The following SLX4IP variants were observed in gnomAD, a reference collection of about 807,000 sequenced individuals.
SLX4IP encodes the protein protein SLX4IP.
In SLX4IP, 34 loss-of-function variants were observed where a neutral mutation model predicts 32.9. The ratio of observed to expected loss-of-function variants is 1.03; its 90% CI spans 0.79 to 1.38. SLX4IP has a LOEUF of 1.38. Ranked by LOEUF, SLX4IP falls within the 40% of genes most tolerant of loss-of-function variation. The probability of loss-of-function intolerance (pLI) is 0.00; values close to 1 mark genes in which losing one functional copy is unlikely to be tolerated. For missense variants in SLX4IP, 444 were observed against 479.0 expected (o/e 0.93, Z 0.68); for synonymous variants, 172 against 171.7 (o/e 1.00, Z -0.01).
At chr20:10,438,489 T>G (rs1683509509) in intron 1 of SLX4IP, among the ~76,000 whole-genome samples, 1 of 147,196 alleles carries the variant, frequency 6.8e-6, no homozygotes, top group Admixed American at 6.8e-5. Flanking sequence ...TTTTTTTTTT[T>G]TTTTTTGAGA....
chr20:10,590,707 G>A (rs139936330), intron 4 of SLX4IP, among the ~76,000 whole-genome samples: 9 of 152,240 alleles, frequency 5.9e-5, no homozygotes, highest in East Asian at 3.9e-4. Context: ...TGATTTTAAC[G>A]TAGAAAAACA....
chr20:10,530,211 T>C (rs1360232374), intron 2 of SLX4IP, among the ~76,000 whole-genome samples: 6 of 152,238 alleles, frequency 3.9e-5, no homozygotes, highest in Non-Finnish European at 8.8e-5. Context: ...GTTGGAGATT[T>C]GAAGCACAGT....
At chr20:10,449,439 A>C (rs763363781) in intron 1 of SLX4IP, among the ~76,000 whole-genome samples, 1 of 152,186 alleles carries the variant, frequency 6.6e-6, no homozygotes, top group African/African-American at 2.4e-5. Flanking sequence ...AGAGGGAAGA[A>C]GGTCACACCT....
At chr20:10,575,798 G>A (rs911320859) in intron 4 of SLX4IP, among the ~76,000 whole-genome samples, 5 of 151,412 alleles carry the variant, frequency 3.3e-5, no homozygotes, top group Admixed American at 1.3e-4. Context: ...CATAATGCCC[G>A]GATTTTCAAA....
Position 10,499,526 on chromosome 20 carries a change from T to C in SLX4IP, c.27+41295T>C, listed in dbSNP as rs560599943. Among the ~76,000 whole-genome samples, 8 of 152,322 alleles carry C rather than the reference T, an allele frequency of 5.3e-5. No individual in the cohort carries two copies. The South Asian group carries it at 1.7e-3, about 32-fold the overall frequency. On this transcript the variant is annotated intron_variant, in intron 2 of 7. Coordinates refer to ENST00000334534, the MANE Select transcript of SLX4IP (RefSeq NM_001009608.3). ...TGCTTGAAAAACAGTGTCTGTTGTATGAATGATAATTTTCATGAAAATCAA... is the reference window on the plus strand; with the variant it reads ...TGCTTGAAAAACAGTGTCTGTTGTACGAATGATAATTTTCATGAAAATCAA...
At chr20:10,474,909 C>T (rs988147414) in intron 2 of SLX4IP, among the ~76,000 whole-genome samples, 4 of 152,182 alleles carry the variant, frequency 2.6e-5, no homozygotes, top group African/African-American at 7.2e-5. Context: ...CTCAGGGAGC[C>T]GTGGGTTCAG....
chr20:10,452,678 A>ATATATATAT (rs1365793671), intron 1 of SLX4IP, among the ~76,000 whole-genome samples: 57 of 97,784 alleles, frequency 5.8e-4, no homozygotes, highest in South Asian at 2.5e-3. Flanking sequence ...AAAAAAAAAA[A>ATATATATAT]AAATATATAT....
chr20:10,620,078 C>T (rs1215548760), intron 6 of SLX4IP, among the ~76,000 whole-genome samples: 1 of 152,162 alleles, frequency 6.6e-6, no homozygotes, highest in Non-Finnish European at 1.5e-5. Flanking sequence ...GATAACCAGG[C>T]ACGGTACTCA....
At chr20:10,615,639 T>C (rs1183349634) in intron 6 of SLX4IP, among the ~76,000 whole-genome samples, 2 of 152,194 alleles carry the variant, frequency 1.3e-5, no homozygotes, top group African/African-American at 4.8e-5. Flanking sequence ...AGGAGGACCC[T>C]TACATCATCT....
intron 2 of SLX4IP, among the ~76,000 whole-genome samples, chr20:10,543,451 A>G (rs77957282): frequency 6.6e-6 from 1 of 152,210 alleles, no homozygotes; most frequent in Admixed American, 6.5e-5. Context: ...AGCTCTCAGC[A>G]TGTAAACTGC....
intron 1 of SLX4IP, among the ~76,000 whole-genome samples, chr20:10,438,472 GTTTTTTTTTTT>G (rs35297842): frequency 1.0e-5 from 1 of 98,854 alleles, no homozygotes; most frequent in Non-Finnish European, 2.0e-5. Context: ...AGGTGTGTGT[GTTTTTTTTTTT>G]TTTTTTTTTT....
At chr20:10,441,126 C>G (rs1193966602) in intron 1 of SLX4IP, among the ~76,000 whole-genome samples, 1 of 152,096 alleles carries the variant, frequency 6.6e-6, no homozygotes, top group Non-Finnish European at 1.5e-5. Context: ...CTGTTTCTGA[C>G]TAGGTATTAA....
chr20:10,590,531 T>C (rs1024292316), intron 4 of SLX4IP, among the ~76,000 whole-genome samples: 1 of 151,502 alleles, frequency 6.6e-6, no homozygotes, highest in African/African-American at 2.4e-5. Flanking sequence ...CGGCTAATTT[T>C]TTGTATTTTA....
At chr20:10,509,119 A>G (rs1168671262) in intron 2 of SLX4IP, among the ~76,000 whole-genome samples, 1 of 152,106 alleles carries the variant, frequency 6.6e-6, no homozygotes, top group African/African-American at 2.4e-5. Flanking sequence ...CTGTGATTCT[A>G]CCCACAACGT....
At chr20:10,458,680 A>G (rs2065309328) in intron 2 of SLX4IP, among the ~76,000 whole-genome samples, 1 of 152,184 alleles carries the variant, frequency 6.6e-6, no homozygotes, top group Admixed American at 6.5e-5. Flanking sequence ...CGTCCCTGCA[A>G]AGGACATGAT....
intron 1 of SLX4IP, among the ~76,000 whole-genome samples, chr20:10,445,881 C>T (rs1168542640): frequency 6.6e-6 from 1 of 150,458 alleles, no homozygotes; most frequent in African/African-American, 2.5e-5. Context: ...CCTACTTGGC[C>T]TCTGAAACTG....
At chr20:10,456,530 C>G (rs6077805) in intron 1 of SLX4IP, among the ~76,000 whole-genome samples, 1 of 151,672 alleles carries the variant, frequency 6.6e-6, no homozygotes, top group African/African-American at 2.4e-5. Context: ...TTAATAGAGA[C>G]GGGGTTTCAC....
At chr20:10,453,307 CGT>C (rs1555805264) in intron 1 of SLX4IP, among the ~76,000 whole-genome samples, 35 of 142,828 alleles carry the variant, frequency 2.5e-4, no homozygotes, top group South Asian at 7.2e-4. Flanking sequence ...AAAACTCATC[CGT>C]GTGTGTGTGT....
At chr20:10,489,160 T>C (rs185335257) in intron 2 of SLX4IP, among the ~76,000 whole-genome samples, 1 of 152,280 alleles carries the variant, frequency 6.6e-6, no homozygotes, top group East Asian at 1.9e-4. Context: ...AATCGTGAAG[T>C]GTAGTTCATG....
Sources: allele counts gnomAD v4.1 joint callset (sites outside exome capture counted in the v4.1 genomes callset), GRCh38; gene constraint gnomAD v4.1.1; transcripts MANE v1.5; gene names NCBI Gene and HGNC (gene_info 2026-07-23, HGNC 2026-07-21).